SREBF2: variants seen among roughly 807,000 people sequenced by gnomAD.
The protein encoded by SREBF2 is sterol regulatory element-binding protein 2.
Under a neutral mutation model 113.1 loss-of-function variants are expected in SREBF2, and 55 were observed. That is an observed-to-expected ratio of 0.49 (90% CI 0.39 to 0.61). The LOEUF is 0.61. SREBF2 is among the 20% of genes least tolerant of loss of function. SREBF2 has a pLI of 0.00. For missense variants in SREBF2, 1,349 were observed against 1,487.4 expected (o/e 0.91, Z 1.53); for synonymous variants, 593 against 605.7 (o/e 0.98, Z 0.31).
At chr22:41,868,517 C>A in intron 2 of SREBF2, 94 bp from the exon 3 acceptor site, 1 of 1,413,684 alleles carries the variant, frequency 7.1e-7, no homozygotes, top group Non-Finnish European at 1.0e-6. Flanking sequence ...GAGTTGGAAT[C>A]ATTATGAGAT....
intron 4 of SREBF2, among the ~76,000 whole-genome samples, chr22:41,872,917 A>C (rs982679589): frequency 6.8e-6 from 1 of 146,674 alleles, no homozygotes; most frequent in Non-Finnish European, 1.5e-5. Flanking sequence ...AAACAAAAAA[A>C]CAGGACGTGG....
chr22:41,875,933 T>A (rs938950090), intron 7 of SREBF2, among the ~76,000 whole-genome samples: 41 of 152,204 alleles, frequency 2.7e-4, no homozygotes, highest in African/African-American at 9.6e-4. Context: ...GTTTAACTGG[T>A]CCTTGCCGAT....
At chr22:41,878,223 A>G in intron 9 of SREBF2, 100 bp downstream of exon 9, 2 of 1,492,244 alleles carry the variant, frequency 1.3e-6, no homozygotes, top group Admixed American at 3.7e-5. Context: ...TTGTGGTGAG[A>G]GGAAAAAGGG....
intron 1 of SREBF2, among the ~76,000 whole-genome samples, chr22:41,852,002 T>G (rs2076936714): frequency 6.6e-6 from 1 of 151,958 alleles, no homozygotes; most frequent in Non-Finnish European, 1.5e-5. Context: ...ATGCCTGTAG[T>G]CTCAGCTACT....
intron 16 of SREBF2, 74 bp from the exon 17 acceptor site, chr22:41,902,896 T>C (rs2077476548): frequency 2.7e-6 from 4 of 1,492,174 alleles, no homozygotes; most frequent in Non-Finnish European, 3.7e-6. Flanking sequence ...GGGAGAGGCC[T>C]GGTAGGTGCT....
At chr22:41,893,481 C>G (rs955570885) in intron 12 of SREBF2, among the ~76,000 whole-genome samples, 196 bp downstream of exon 12, 3 of 152,184 alleles carry the variant, frequency 2.0e-5, no homozygotes, top group Non-Finnish European at 4.4e-5. Flanking sequence ...CAAGCCTGAT[C>G]AGAAATTGTC....
chr22:41,845,217 C>T (rs1247422476), intron 1 of SREBF2, among the ~76,000 whole-genome samples: 2 of 152,174 alleles, frequency 1.3e-5, no homozygotes, highest in Non-Finnish European at 2.9e-5. Context: ...GTGTGAGCCA[C>T]TGCGCCTGCC....
intron 1 of SREBF2, among the ~76,000 whole-genome samples, chr22:41,844,440 G>A (rs1447762492): frequency 6.6e-6 from 1 of 152,148 alleles, no homozygotes; most frequent in Admixed American, 6.6e-5. Context: ...ACAGAGTGTG[G>A]TGCAAGTGAC....
Position 41,880,988 on chromosome 22 carries a change from C to T in SREBF2, c.2034C>T (p.Ile678=), listed in dbSNP as rs759405441. ...LAYHRLHQLH[I]TGKLPAGSAC... The stretch of plus-strand genomic sequence containing the variant: ...ATCACCGGCTGCACCAGCTGCACAT[C>T]ACAGGTGAGGGGGCAGCTGCTGCTG... Residue 678 remains isoleucine, a synonymous_variant, in exon 10 of 19, where the codon ATC becomes ATT. Transcript: ENST00000361204. 4 of 1,606,770 alleles carry T rather than the reference C, an allele frequency of 2.5e-6. No individual in the cohort carries two copies. Among genetic ancestry groups the T allele is most frequent in the Non-Finnish European group, 1.7e-6 (2 of 1,179,864 alleles).
At chr22:41,856,360 C>G (rs2076977850) in intron 1 of SREBF2, among the ~76,000 whole-genome samples, 2 of 152,104 alleles carry the variant, frequency 1.3e-5, no homozygotes, top group African/African-American at 4.8e-5. Context: ...AACTCCTGAA[C>G]TTGAGCGATC....
chr22:41,877,910 C>T, intron 8 of SREBF2, 32 bp from the exon 9 acceptor site: 1 of 1,613,988 alleles, frequency 6.2e-7, no homozygotes. Context: ...AAGGCCTTTC[C>T]TAGCAGACTC....
At chr22:41,854,086 GA>G (rs2076956129) in intron 1 of SREBF2, among the ~76,000 whole-genome samples, 1 of 151,384 alleles carries the variant, frequency 6.6e-6, no homozygotes, top group African/African-American at 2.4e-5. Context: ...TAAGTTGCAT[GA>G]AAGTTGCTAT....
chr22:41,854,871 ACT>A (rs1442808816), intron 1 of SREBF2, among the ~76,000 whole-genome samples: 3 of 151,842 alleles, frequency 2.0e-5, no homozygotes, highest in African/African-American at 7.3e-5. Flanking sequence ...ACAGAGTGAG[ACT>A]CTGTCTCAAA....
At chr22:41,904,997 C>T in intron 18 of SREBF2, 23 bp downstream of exon 18, 2 of 1,560,246 alleles carry the variant, frequency 1.3e-6, no homozygotes, top group Non-Finnish European at 1.7e-6. Flanking sequence ...CTCCCCAGCT[C>T]ACAGGCTGGG....
intron 10 of SREBF2, among the ~76,000 whole-genome samples, chr22:41,884,379 C>T (rs550744839): frequency 4.2e-4 from 64 of 152,288 alleles, no homozygotes; most frequent in South Asian, 1.2e-3. Context: ...TTAAGTGATC[C>T]GCCGGCCTTG....
At chr22:41,853,845 C>T (rs1203897620) in intron 1 of SREBF2, among the ~76,000 whole-genome samples, 3 of 152,014 alleles carry the variant, frequency 2.0e-5, no homozygotes, top group African/African-American at 7.2e-5. Flanking sequence ...ACCATCCTGG[C>T]TAACACGGTG....
rs375591224 is a variant in SREBF2 at position 41,900,316 on chromosome 22, T to A, written c.2739-14T>A. On this transcript the variant is annotated splice_polypyrimidine_tract_variant and intron_variant, in intron 15 of 18. Transcript: ENST00000361204. ...CATAGTGACCTGCCTCTCGACTCCC[T>A]GTCACTGCTGCAGGAGCCCCCTGGT... 1 of 1,611,520 alleles carries A rather than the reference T, an allele frequency of 6.2e-7. No homozygotes were observed. The highest frequency in any genetic ancestry group is 8.5e-7 in the Non-Finnish European group (1 of 1,180,008).
At chr22:41,880,593 C>A in intron 9 of SREBF2, 123 bp from the exon 10 acceptor site, 1 of 1,289,926 alleles carries the variant, frequency 7.8e-7, no homozygotes, top group Non-Finnish European at 1.1e-6. Context: ...CTGAAGTTTC[C>A]CTCGTTTTTA....
At chr22:41,847,407 G>GAACA (rs1361877458) in intron 1 of SREBF2, among the ~76,000 whole-genome samples, 1 of 152,178 alleles carries the variant, frequency 6.6e-6, no homozygotes, top group Non-Finnish European at 1.5e-5. Flanking sequence ...GTGAAAGAGG[G>GAACA]AACAGTATGA....
Sources: gnomAD v4.1 joint callset for allele counts (sites outside exome capture counted in the v4.1 genomes callset) on GRCh38, gnomAD v4.1.1 for gene constraint, MANE v1.5 for transcripts, NCBI Gene and HGNC (gene_info 2026-07-23, HGNC 2026-07-21) for gene names.